The following SH3RF3 variants were observed in gnomAD, a reference collection of about 807,000 sequenced individuals.
The protein encoded by SH3RF3 is SH3 domain containing ring finger 3, also known as E3 ubiquitin-protein ligase SH3RF3.
SH3RF3 carries 29 observed loss-of-function variants against 66.3 expected under a neutral mutation model. The observed-to-expected ratio is 0.44, with a 90% CI of 0.33 to 0.60. SH3RF3 has a LOEUF of 0.60. Ranked by LOEUF, SH3RF3 falls within the 20% of genes least tolerant of loss-of-function variation. The probability of loss-of-function intolerance (pLI) is 0.04; values close to 1 mark genes in which losing one functional copy is unlikely to be tolerated. For missense variants in SH3RF3, 1,194 were observed against 1,190.9 expected (o/e 1.00, Z -0.04); for synonymous variants, 583 against 532.0 (o/e 1.10, Z -1.32).
chr2:109,379,511 G>A (rs1364275358), intron 3 of SH3RF3, among the ~76,000 whole-genome samples: 1 of 152,208 alleles, frequency 6.6e-6, no homozygotes, highest in Admixed American at 6.5e-5. Flanking sequence ...AGGACACCCT[G>A]ATGATGCCAC....
At chr2:109,492,509 C>T (rs767274819) in intron 9 of SH3RF3, among the ~76,000 whole-genome samples, 10 of 152,150 alleles carry the variant, frequency 6.6e-5, no homozygotes, top group African/African-American at 9.7e-5. Context: ...GCATGGATTC[C>T]GGCTACGCAT....
At chr2:109,305,183 G>A (rs766773725) in intron 1 of SH3RF3, among the ~76,000 whole-genome samples, 2 of 152,162 alleles carry the variant, frequency 1.3e-5, no homozygotes, top group Non-Finnish European at 2.9e-5. Flanking sequence ...TGGGTTAGTT[G>A]CCAGGGTTGT....
At chr2:109,464,959 G>A (rs965016020) in intron 8 of SH3RF3, among the ~76,000 whole-genome samples, 2 of 152,186 alleles carry the variant, frequency 1.3e-5, no homozygotes, top group African/African-American at 2.4e-5. Flanking sequence ...AATCCTCTGT[G>A]CTCTGCCTGT....
chr2:109,129,864 G>C lies in SH3RF3; in HGVS notation c.324G>C (p.Leu108=). The change falls in exon 1 of 10, where the codon CTG becomes CTC. Residue 108 remains leucine (L), a synonymous_variant. Transcript: ENST00000309415. ...RILVGCGVDE[L]PANILLVRLL... ...TGGTGGGCTGCGGCGTGGACGAACT[G>C]CCCGCCAACATCTTGCTGGTGCGAC... The C allele has an allele frequency of 6.6e-7, 1 of 1,525,706 alleles. No homozygotes were observed. Among genetic ancestry groups the C allele is most frequent in the Non-Finnish European group, 8.8e-7 (1 of 1,141,344 alleles). 94.5% of individuals were successfully genotyped at this position (1,525,706 alleles called of 1,614,324 possible).
intron 1 of SH3RF3, among the ~76,000 whole-genome samples, chr2:109,194,978 C>CT (rs1197225969): frequency 4.6e-5 from 7 of 152,086 alleles, no homozygotes; most frequent in African/African-American, 1.7e-4. Flanking sequence ...CTCCAGGATC[C>CT]TTTTTTGTGG....
At chr2:109,446,815 G>A (rs954207559) in intron 7 of SH3RF3, among the ~76,000 whole-genome samples, 3 of 152,052 alleles carry the variant, frequency 2.0e-5, no homozygotes, top group African/African-American at 4.8e-5. Flanking sequence ...GCAGGCGAGG[G>A]GAAGCCGGCC....
intron 1 of SH3RF3, 105 bp downstream of exon 1, chr2:109,130,218 C>A (rs985425799): frequency 2.8e-6 from 3 of 1,082,540 alleles, no homozygotes; most frequent in Non-Finnish European, 3.5e-6. Flanking sequence ...CACGGGTGGT[C>A]CTGCGTTGGC....
At chr2:109,419,744 TTAC>T in intron 5 of SH3RF3, 102 bp downstream of exon 5, 4 of 1,131,086 alleles carry the variant, frequency 3.5e-6, no homozygotes, top group Non-Finnish European at 5.0e-6. Context: ...TTCCCATGTG[TTAC>T]TAGTTGGCCA....
At chr2:109,218,108 A>G (rs1219582086) in intron 1 of SH3RF3, among the ~76,000 whole-genome samples, 1 of 151,920 alleles carries the variant, frequency 6.6e-6, no homozygotes. Flanking sequence ...GTTTTTGGAA[A>G]CTGAGTAGAG....
intron 3 of SH3RF3, among the ~76,000 whole-genome samples, chr2:109,387,963 C>T (rs1675870670): frequency 6.6e-6 from 1 of 152,090 alleles, no homozygotes; most frequent in African/African-American, 2.4e-5. Flanking sequence ...CTGAGGCTCC[C>T]CACACCAATT....
rs552895384 is a variant in SH3RF3, at chr2:109,284,128, C to T, written c.574-63546C>T. On this transcript the variant is annotated intron_variant, in intron 1 of 9. Coordinates refer to ENST00000309415, the MANE Select transcript of SH3RF3 (RefSeq NM_001099289.3). ...TGAAAGACCTTGAACGAACACATCCCTCAGGTACTCAGCCCAGGGTCTTAC... is the reference window on the plus strand; with the variant it reads ...TGAAAGACCTTGAACGAACACATCCTTCAGGTACTCAGCCCAGGGTCTTAC... Among the ~76,000 whole-genome samples, 4 of 152,338 alleles carry T rather than the reference C, an allele frequency of 2.6e-5. No individual in the cohort carries two copies. In the East Asian group the frequency reaches 7.7e-4, roughly 29 times the overall value.
At chr2:109,321,713 C>T (rs183967224) in intron 1 of SH3RF3, among the ~76,000 whole-genome samples, 5 of 152,334 alleles carry the variant, frequency 3.3e-5, no homozygotes, top group African/African-American at 9.6e-5. Flanking sequence ...GGCCCCCTGC[C>T]GTGCAACTCA....
intron 9 of SH3RF3, among the ~76,000 whole-genome samples, chr2:109,499,817 G>A (rs559613224): frequency 6.6e-6 from 1 of 152,320 alleles, no homozygotes; most frequent in East Asian, 1.9e-4. Context: ...GGACACTAGT[G>A]AAAGTAGTCA....
At chr2:109,259,043 G>C (rs551941311) in intron 1 of SH3RF3, among the ~76,000 whole-genome samples, 2 of 152,222 alleles carry the variant, frequency 1.3e-5, no homozygotes, top group Non-Finnish European at 2.9e-5. Context: ...AGGAGGGAGA[G>C]CCTTGTGCTG....
chr2:109,154,712 A>G (rs1677297169), intron 1 of SH3RF3, among the ~76,000 whole-genome samples: 1 of 152,114 alleles, frequency 6.6e-6, no homozygotes, highest in Non-Finnish European at 1.5e-5. Context: ...CAGGGTTTGG[A>G]CAAGGTCTGT....
In SH3RF3 at chr2:109,501,801, T is replaced by TA. The variant is rs1679395633; in HGVS notation, c.*130_*131insA. 4.9e-6 allele frequency: 3 copies of TA among 612,924 alleles called. No individual in the cohort carries two copies. In the African/African-American group the frequency reaches 5.5e-5, roughly 11 times the overall value. The allele number at this position is 612,924 out of a possible 1,614,324, so 38.0% of individuals were successfully genotyped here. A position where few individuals can be genotyped will look rare whatever the true frequency, so the allele number is the denominator to read the frequency against. On this transcript the variant is annotated 3_prime_UTR_variant, in exon 10 of 10. Coordinates refer to ENST00000309415, the MANE Select transcript of SH3RF3 (RefSeq NM_001099289.3). ...CCAAGGCACCTGGCGGGGGATACCC[T>TA]GGCCCAGGGTGGGGGCCAGGGACTG...
At chr2:109,374,974 G>A (rs998406271) in intron 3 of SH3RF3, among the ~76,000 whole-genome samples, 1 of 152,250 alleles carries the variant, frequency 6.6e-6, no homozygotes, top group Admixed American at 6.5e-5. Context: ...CAGTGGCACA[G>A]TGAGCTGAAG....
rs371293291 is a variant in SH3RF3 at position 109,294,732 on chromosome 2, C to G, written c.574-52942C>G. The stretch of plus-strand genomic sequence containing the variant: ...GACAGACACAGCCCTACAGGGGAAG[C>G]TAGGGCCACACCCAAGAAAGGGGCA... On this transcript the variant is annotated intron_variant, in intron 1 of 9. Coordinates refer to ENST00000309415, the MANE Select transcript of SH3RF3 (RefSeq NM_001099289.3). Among the ~76,000 whole-genome samples, 59 of 152,232 alleles carry G rather than the reference C, an allele frequency of 3.9e-4. 4 individuals carry two copies. In the South Asian group the frequency reaches 0.012, roughly 30 times the overall value.
chr2:109,397,461 C>T (rs941895132), intron 3 of SH3RF3, among the ~76,000 whole-genome samples: 20 of 152,186 alleles, frequency 1.3e-4, no homozygotes, highest in Non-Finnish European at 2.8e-4. Context: ...AGAGTTCCCT[C>T]TGCTTTATTC....
Sources: gnomAD v4.1 joint callset for allele counts (sites outside exome capture counted in the v4.1 genomes callset) on GRCh38, gnomAD v4.1.1 for gene constraint, MANE v1.5 for transcripts, NCBI Gene and HGNC (gene_info 2026-07-23, HGNC 2026-07-21) for gene names.